The following FANCI variants were observed in gnomAD, a reference collection of about 807,000 sequenced individuals.
The protein encoded by FANCI is Fanconi anemia group I protein.
A neutral mutation model predicts 176.1 loss-of-function variants in FANCI; 156 were observed. The observed-to-expected ratio is 0.89, with a 90% CI of 0.78 to 1.01. The LOEUF is 1.01. Among genes scored for constraint, FANCI ranks in the 50% least tolerant of loss-of-function variants. The pLI is 0.00. For missense variants in FANCI, 1,678 were observed against 1,534.1 expected (o/e 1.09, Z -1.57); for synonymous variants, 613 against 541.7 (o/e 1.13, Z -1.83).
At chr15:89,307,436 A>G in intron 32 of FANCI, 40 bp from the exon 33 acceptor site, 2 of 1,589,770 alleles carry the variant, frequency 1.3e-6, no homozygotes, top group East Asian at 2.3e-5. Context: ...TTGTAGTTTC[A>G]TAGGACAGTC....
intron 9 of FANCI, among the ~76,000 whole-genome samples, chr15:89,265,230 CAGA>C (rs2052889497): frequency 1.3e-5 from 2 of 152,116 alleles, no homozygotes; most frequent in Non-Finnish European, 2.9e-5. Context: ...GTTTTTGAGA[CAGA>C]GTGTAGCTCT....
chr15:89,266,545 TC>T (rs569838325), intron 9 of FANCI, among the ~76,000 whole-genome samples: 32 of 152,044 alleles, frequency 2.1e-4, no homozygotes, highest in African/African-American at 7.7e-4. Context: ...GCCAGGCTGG[TC>T]TCGAACTCCT....
chr15:89,284,967 G>A, intron 17 of FANCI, 129 bp from the exon 18 acceptor site: 1 of 959,564 alleles, frequency 1.0e-6, no homozygotes, highest in Non-Finnish European at 1.7e-6. Context: ...ATTATACTGT[G>A]TGTCTCACCC....
At chr15:89,288,446 A>T (rs1567162110) in intron 18 of FANCI, among the ~76,000 whole-genome samples, 1 of 152,202 alleles carries the variant, frequency 6.6e-6, no homozygotes, top group Non-Finnish European at 1.5e-5. Context: ...CATCAGTCTT[A>T]GTATATCATT....
chr15:89,259,905 G>A (rs907622036), intron 3 of FANCI, among the ~76,000 whole-genome samples: 1 of 152,050 alleles, frequency 6.6e-6, no homozygotes, highest in Non-Finnish European at 1.5e-5. Context: ...GACTTAAGTT[G>A]TATCTATTTT....
Position 89,293,876 on chromosome 15 carries a change from A to C in FANCI, c.2335A>C (p.Lys779Gln), listed in dbSNP as rs779871152. ...EDILSLFMCY[K>Q]KLSDILNEKA... ...CATTCTGAGCTTATTTATGTGTTAC[A>C]AAAAACTCTCTGACATTCTTAATGA... The change falls in exon 23 of 38, where the codon AAA (lysine) becomes CAA (glutamine). Residue 779 changes from lysine (K) to glutamine (Q), a missense_variant. Around this residue, in one of 3 missense-constraint regions of FANCI, gnomAD observed 1,204 missense variants for 1,077.4 expected, o/e 1.12. Coordinates refer to ENST00000310775, the MANE Select transcript of FANCI (RefSeq NM_001113378.2). 3 of 1,614,146 alleles carry C rather than the reference A, an allele frequency of 1.9e-6. No individual in the cohort carries two copies. The highest frequency in any genetic ancestry group is 4.5e-5 in the East Asian group (2 of 44,874).
chr15:89,259,615 A>C (rs1227320069), intron 3 of FANCI, among the ~76,000 whole-genome samples: 1 of 152,206 alleles, frequency 6.6e-6, no homozygotes, highest in Non-Finnish European at 1.5e-5. Flanking sequence ...CTTACCCCTG[A>C]AAGAAGGTTT....
At chr15:89,299,178 A>AAAAAAACCTGAGTAATCTCATCTCTATTC (rs2054432722) in intron 24 of FANCI, among the ~76,000 whole-genome samples, 1 of 152,064 alleles carries the variant, frequency 6.6e-6, no homozygotes, top group Non-Finnish European at 1.5e-5. Context: ...TCAAAAAAAA[A>AAAAAAACCTGAGTAATCTCATCTCTATTC]AAAAAAACCT....
intron 28 of FANCI, among the ~76,000 whole-genome samples, chr15:89,304,281 A>T (rs1271612775): frequency 1.3e-5 from 2 of 152,254 alleles, no homozygotes; most frequent in African/African-American, 4.8e-5. Context: ...AGTAGAAAGG[A>T]TAAAAGAATT....
intron 12 of FANCI, among the ~76,000 whole-genome samples, chr15:89,275,015 A>C (rs2053355822): frequency 6.6e-6 from 1 of 151,710 alleles, no homozygotes; most frequent in African/African-American, 2.4e-5. Context: ...TCCTGGCCTC[A>C]AGTGATGCTC....
Position 89,263,884 on chromosome 15 carries a change from T to C in FANCI, c.546-19T>C, listed in dbSNP as rs111301033. On this transcript the variant is annotated intron_variant, in intron 7 of 37. Transcript: ENST00000310775. ...GCAGTTAGACACTGTCTATAGCCTT[T>C]AGAATCTTTGATCCACAGGGATGTC... 2.7e-5 allele frequency: 44 copies of C among 1,614,062 alleles called. 1 individual carries two copies. The African/African-American group carries it at 3.3e-4, about 12-fold the overall frequency.
chr15:89,279,267 C>T (rs1293507338), intron 14 of FANCI, among the ~76,000 whole-genome samples: 1 of 152,160 alleles, frequency 6.6e-6, no homozygotes, highest in South Asian at 2.1e-4. Context: ...ACGCAGTTCT[C>T]GTGTCTCAGC....
chr15:89,270,194 G>C (rs772467566), intron 10 of FANCI, among the ~76,000 whole-genome samples: 18 of 152,126 alleles, frequency 1.2e-4, no homozygotes, highest in Non-Finnish European at 2.5e-4. Flanking sequence ...CAGGTAGTGG[G>C]TTGGATTTGG....
At chr15:89,305,046 G>T in intron 28 of FANCI, 69 bp from the exon 29 acceptor site, 13 of 1,593,126 alleles carry the variant, frequency 8.2e-6, no homozygotes, top group Non-Finnish European at 1.1e-5. Context: ...AAAGTGCTGG[G>T]ATTACAGGCG....
intron 16 of FANCI, chr15:89,282,298 G>C (rs1413510046): frequency 5.5e-6 from 1 of 181,426 alleles, no homozygotes; most frequent in Non-Finnish European, 1.2e-5. Context: ...TTATACTTAA[G>C]AATCTCATTT....
At chr15:89,286,856 G>A (rs1396849304) in intron 18 of FANCI, among the ~76,000 whole-genome samples, 1 of 151,980 alleles carries the variant, frequency 6.6e-6, no homozygotes, top group Admixed American at 6.5e-5. Flanking sequence ...CCAATATAAG[G>A]CTATTTCATC....
At chr15:89,288,571 T>A (rs1464148835) in intron 18 of FANCI, among the ~76,000 whole-genome samples, 1 of 152,092 alleles carries the variant, frequency 6.6e-6, no homozygotes, top group Non-Finnish European at 1.5e-5. Context: ...AATAATAATT[T>A]TTGGTTACTA....
intron 2 of FANCI, among the ~76,000 whole-genome samples, chr15:89,249,335 A>G (rs1256054515): frequency 6.6e-6 from 1 of 152,196 alleles, no homozygotes; most frequent in Non-Finnish European, 1.5e-5. Context: ...TTTAACACAA[A>G]TACTTAATAC....
At chr15:89,277,042 C>T (rs2053435582) in intron 13 of FANCI, 151 bp downstream of exon 13, 1 of 786,312 alleles carries the variant, frequency 1.3e-6, no homozygotes, top group African/African-American at 1.7e-5. Flanking sequence ...AATATTGAAA[C>T]ATTATAGATC....
Sources: allele counts gnomAD v4.1 joint callset (sites outside exome capture counted in the v4.1 genomes callset), GRCh38; gene constraint gnomAD v4.1.1; regional missense constraint gnomAD v4.1.1; transcripts MANE v1.5; gene names NCBI Gene and HGNC (gene_info 2026-07-23, HGNC 2026-07-21).